Variants in CHODL observed in about 807,000 individuals in gnomAD.
CHODL encodes the protein transmembrane protein MT75.
A neutral mutation model predicts 34.5 loss-of-function variants in CHODL; 29 were observed. That is an observed-to-expected ratio of 0.84 (90% CI 0.63 to 1.15). The LOEUF (loss-of-function observed/expected upper bound fraction) is 1.15, where lower values mean the gene tolerates loss of function less well. Among genes scored for constraint, CHODL ranks in the 50% most tolerant of loss-of-function variants. The pLI, the probability that CHODL is intolerant of heterozygous loss-of-function variation, is 0.00. For missense variants in CHODL, 332 were observed against 332.5 expected, an observed-to-expected ratio of 1.00 and a Z score of 0.01; for synonymous variants, 125 against 116.1, an observed-to-expected ratio of 1.08 and a Z score of -0.49.
intron 2 of CHODL, among the ~76,000 whole-genome samples, chr21:18,165,597 T>C (rs1318348015): frequency 6.6e-6 from 1 of 152,146 alleles, no homozygotes; most frequent in Admixed American, 6.5e-5. Context: ...TGCAACATGG[T>C]AGCTAGCTTC....
intron 1 of CHODL, among the ~76,000 whole-genome samples, chr21:17,944,958 C>G (rs1216818636): frequency 2.0e-5 from 3 of 152,206 alleles, no homozygotes; most frequent in Non-Finnish European, 4.4e-5. Context: ...CGCCTGGAAT[C>G]CCAGCACTTT....
chr21:18,011,537 CTA>C (rs900728074), intron 1 of CHODL, among the ~76,000 whole-genome samples: 10 of 152,142 alleles, frequency 6.6e-5, no homozygotes, highest in African/African-American at 2.2e-4. Flanking sequence ...GTCATCCTCT[CTA>C]TAACAAAAAG....
At chr21:18,254,454 G>A (rs2074292844) in intron 1 of CHODL, among the ~76,000 whole-genome samples, 1 of 152,110 alleles carries the variant, frequency 6.6e-6, no homozygotes. Flanking sequence ...CTGGGCATAA[G>A]AAATAGTAAC....
intron 1 of CHODL, among the ~76,000 whole-genome samples, chr21:17,977,856 T>C (rs868248752): frequency 8.1e-5 from 10 of 124,104 alleles, no homozygotes; most frequent in Middle Eastern, 5.7e-3. Flanking sequence ...GAGGTGGAGG[T>C]TGCAGTGAGC....
At chr21:17,931,048 C>T (rs1258342051) in intron 1 of CHODL, among the ~76,000 whole-genome samples, 2 of 152,172 alleles carry the variant, frequency 1.3e-5, no homozygotes, top group African/African-American at 2.4e-5. Context: ...AGACTGTGTT[C>T]CTGTCTGCCC....
chr21:17,974,911 A>C (rs2063648598), intron 1 of CHODL, among the ~76,000 whole-genome samples: 2 of 148,714 alleles, frequency 1.3e-5, no homozygotes, highest in Non-Finnish European at 3.0e-5. Context: ...AGGCAGTCAA[A>C]ATGTACTTTA....
In CHODL at chr21:17,955,236, A is replaced by G. The variant is rs1243422867; in HGVS notation, c.-145+37836A>G. On this transcript the variant is annotated intron_variant, in intron 1 of 6. Transcript: ENST00000400127. Reference sequence around the variant, plus strand: ...CACTGAAATAATCTTACCTGCCTGAAGTCATGGGATTAAATATTATCCTGG... The same window carrying G: ...CACTGAAATAATCTTACCTGCCTGAGGTCATGGGATTAAATATTATCCTGG... Among the ~76,000 whole-genome samples the G allele has an allele frequency of 4.4e-5, 6 of 137,590 alleles. 2 individuals are homozygous for G. Among genetic ancestry groups the G allele is most frequent in the Non-Finnish European group, 6.6e-5 (4 of 60,484 alleles). The allele number at this position is 137,590 out of a possible 152,430, so 90.3% of individuals were successfully genotyped here.
intron 1 of CHODL, among the ~76,000 whole-genome samples, chr21:18,014,278 C>T (rs1375024897): frequency 1.3e-5 from 2 of 152,074 alleles, no homozygotes; most frequent in African/African-American, 4.8e-5. Flanking sequence ...ACATATATAC[C>T]ATGGAATACT....
intron 2 of CHODL, among the ~76,000 whole-genome samples, chr21:18,053,238 C>T (rs1258572718): frequency 2.6e-5 from 4 of 151,894 alleles, no homozygotes; most frequent in African/African-American, 9.7e-5. Flanking sequence ...AGATGTAATA[C>T]TGTAAAGCAA....
At chr21:18,171,736 G>GTTTTTTTTTT (rs71189587) in intron 2 of CHODL, among the ~76,000 whole-genome samples, 1 of 146,494 alleles carries the variant, frequency 6.8e-6, no homozygotes, top group Non-Finnish European at 1.5e-5. Context: ...ATTCTCTTCA[G>GTTTTTTTTTT]TTTTTTTTTT....
At chr21:18,174,139 A>ATATCTTGG (rs1555879220) in intron 2 of CHODL, among the ~76,000 whole-genome samples, 2 of 88,428 alleles carry the variant, frequency 2.3e-5, no homozygotes, top group Non-Finnish European at 4.9e-5. Flanking sequence ...ATATATATAT[A>ATATCTTGG]TATATATATA....
At chr21:18,262,541 A>G (rs1251221269) in intron 4 of CHODL, among the ~76,000 whole-genome samples, 1 of 152,212 alleles carries the variant, frequency 6.6e-6, no homozygotes, top group African/African-American at 2.4e-5. Context: ...TGGTATACCT[A>G]TGTAGGGCAG....
chr21:18,086,485 T>C (rs1478080854), intron 2 of CHODL, among the ~76,000 whole-genome samples: 1 of 152,172 alleles, frequency 6.6e-6, no homozygotes, highest in Non-Finnish European at 1.5e-5. Flanking sequence ...CAGTTACAAG[T>C]TTTAATTGTA....
intron 2 of CHODL, among the ~76,000 whole-genome samples, chr21:18,049,995 C>G (rs1374048145): frequency 6.6e-6 from 1 of 151,890 alleles, no homozygotes; most frequent in Non-Finnish European, 1.5e-5. Flanking sequence ...TTTCCTGGAG[C>G]TAACAGCCTA....
intron 1 of CHODL, among the ~76,000 whole-genome samples, chr21:17,963,929 ATC>A (rs2063552158): frequency 6.6e-6 from 1 of 152,170 alleles, no homozygotes; most frequent in African/African-American, 2.4e-5. Context: ...CTTATATTTA[ATC>A]TGTTAATGGC....
intron 1 of CHODL, among the ~76,000 whole-genome samples, chr21:17,927,160 G>GTATATATGTATATATATGTA (rs371070747): frequency 7.5e-4 from 51 of 67,944 alleles, no homozygotes; most frequent in African/African-American, 1.9e-3. Context: ...GTATATATAT[G>GTATATATGTATATATATGTA]TATATATGTA....
At chr21:18,108,224 G>A (rs747658178) in intron 2 of CHODL, among the ~76,000 whole-genome samples, 4 of 151,744 alleles carry the variant, frequency 2.6e-5, no homozygotes, top group Admixed American at 1.3e-4. Flanking sequence ...TCTGCTGGAA[G>A]GTCACGGTTG....
intron 1 of CHODL, among the ~76,000 whole-genome samples, chr21:17,958,332 T>C (rs2063508058): frequency 6.6e-6 from 1 of 152,170 alleles, no homozygotes; most frequent in Non-Finnish European, 1.5e-5. Context: ...TTCACATTCA[T>C]GTAAACTGTA....
At chr21:18,184,208 T>C (rs115186424) in intron 2 of CHODL, among the ~76,000 whole-genome samples, 3,078 of 152,282 alleles carry the variant, frequency 0.02, 115 homozygotes, top group African/African-American at 0.068. Flanking sequence ...TTGAGTAAAG[T>C]AGGTAACTGG....
Sources: gnomAD v4.1 joint callset for allele counts (sites outside exome capture counted in the v4.1 genomes callset) on GRCh38, gnomAD v4.1.1 for gene constraint, MANE v1.5 for transcripts, NCBI Gene and HGNC (gene_info 2026-07-23, HGNC 2026-07-21) for gene names.